PTPRD: variants seen among roughly 807,000 people sequenced by gnomAD.
The protein encoded by PTPRD is protein tyrosine phosphatase receptor type D.
A neutral mutation model predicts 214.5 loss-of-function variants in PTPRD; 34 were observed. The observed-to-expected ratio is 0.16, with a 90% CI of 0.12 to 0.21. PTPRD has a LOEUF of 0.21. Among genes scored for constraint, PTPRD ranks in the 10% least tolerant of loss-of-function variants. PTPRD has a pLI of 1.00. For synonymous variants in PTPRD, 1,128 were observed against 845.7 expected (o/e 1.33, Z -5.79); for missense variants, 2,545 against 2,398.7 (o/e 1.06, Z -1.27).
intron 9 of PTPRD, among the ~76,000 whole-genome samples, chr9:9,343,493 C>G (rs2047636347): frequency 6.6e-6 from 1 of 152,026 alleles, no homozygotes; most frequent in African/African-American, 2.4e-5. Flanking sequence ...AGCTTTTTTT[C>G]ATATGTTTGT....
intron 11 of PTPRD, among the ~76,000 whole-genome samples, chr9:8,867,032 CTTTA>C (rs1424626517): frequency 2.0e-5 from 3 of 152,114 alleles, no homozygotes; most frequent in African/African-American, 7.2e-5. Flanking sequence ...TGAAAGGCCT[CTTTA>C]TTTAATCACA....
At chr9:9,518,333 G>C (rs1183981455) in intron 8 of PTPRD, among the ~76,000 whole-genome samples, 1 of 151,908 alleles carries the variant, frequency 6.6e-6, no homozygotes, top group East Asian at 1.9e-4. Flanking sequence ...TTCTTTTTTA[G>C]GCTACGGGAA....
At chr9:8,765,509 C>T (rs866675879) in intron 11 of PTPRD, among the ~76,000 whole-genome samples, 3 of 152,096 alleles carry the variant, frequency 2.0e-5, no homozygotes, top group African/African-American at 4.8e-5. Flanking sequence ...AGGTTAGAAG[C>T]GGGTATTATC....
chr9:8,340,611 A>G, intron 41 of PTPRD, 142 bp from the exon 42 acceptor site: 7 of 809,678 alleles, frequency 8.6e-6, no homozygotes, highest in Non-Finnish European at 1.2e-5. Context: ...TGCTAAGATT[A>G]AATAATCAAA....
intron 9 of PTPRD, among the ~76,000 whole-genome samples, chr9:9,201,088 T>A (rs912514959): frequency 6.6e-6 from 1 of 152,204 alleles, no homozygotes; most frequent in African/African-American, 2.4e-5. Context: ...TGGAAAATCT[T>A]ATCATGAAAA....
intron 12 of PTPRD, among the ~76,000 whole-genome samples, chr9:8,668,158 C>A (rs1401843966): frequency 6.6e-6 from 1 of 152,014 alleles, no homozygotes; most frequent in Non-Finnish European, 1.5e-5. Context: ...CTTTTAGCAC[C>A]ATTTTACTCA....
intron 12 of PTPRD, among the ~76,000 whole-genome samples, chr9:8,711,797 C>T (rs2098338747): frequency 6.6e-6 from 1 of 152,206 alleles, no homozygotes; most frequent in Non-Finnish European, 1.5e-5. Flanking sequence ...TTTATTGTAG[C>T]TTCATTCATA....
chr9:10,275,600 T>C (rs1334607734), intron 3 of PTPRD, among the ~76,000 whole-genome samples: 4 of 152,134 alleles, frequency 2.6e-5, no homozygotes, highest in Non-Finnish European at 4.4e-5. Context: ...TCGATTCCAT[T>C]ATTGGGATAG....
chr9:10,031,444 C>A (rs1386759926), intron 4 of PTPRD, among the ~76,000 whole-genome samples: 1 of 151,068 alleles, frequency 6.6e-6, no homozygotes, highest in Non-Finnish European at 1.5e-5. Flanking sequence ...TGTGAAAAGG[C>A]GAGACTGTCC....
chr9:10,044,686 TG>T (rs1481567622), intron 3 of PTPRD, among the ~76,000 whole-genome samples: 1 of 151,726 alleles, frequency 6.6e-6, no homozygotes, highest in Non-Finnish European at 1.5e-5. Flanking sequence ...TCAGGGAGGC[TG>T]GGAAGTTTTC....
chr9:8,954,444 C>A (rs183012928), intron 11 of PTPRD, among the ~76,000 whole-genome samples: 241 of 151,394 alleles, frequency 1.6e-3, no homozygotes, highest in Non-Finnish European at 2.7e-3. Flanking sequence ...TTCAGCATCA[C>A]AAAATATACC....
intron 11 of PTPRD, among the ~76,000 whole-genome samples, chr9:8,760,861 A>G (rs2094371308): frequency 6.6e-6 from 1 of 152,222 alleles, no homozygotes; most frequent in South Asian, 2.1e-4. Flanking sequence ...AAATTGTACT[A>G]TGGTTCCTTG....
At chr9:9,418,514 T>C (rs1172840003) in intron 8 of PTPRD, among the ~76,000 whole-genome samples, 2 of 152,030 alleles carry the variant, frequency 1.3e-5, no homozygotes, top group Non-Finnish European at 2.9e-5. Context: ...TCCAACATTT[T>C]CTAGTTATTA....
At chr9:10,150,272 C>A (rs1169004136) in intron 3 of PTPRD, among the ~76,000 whole-genome samples, 1 of 152,042 alleles carries the variant, frequency 6.6e-6, no homozygotes, top group Admixed American at 6.6e-5. Flanking sequence ...AAATGTCCAT[C>A]AATGATAGAC....
chr9:9,494,052 T>A (rs905379714), intron 8 of PTPRD, among the ~76,000 whole-genome samples: 1 of 151,858 alleles, frequency 6.6e-6, no homozygotes, highest in African/African-American at 2.4e-5. Context: ...TTCAGTGGAG[T>A]AAGGAACTTC....
chr9:9,528,885 A>G (rs2074789290), intron 8 of PTPRD, among the ~76,000 whole-genome samples: 1 of 151,590 alleles, frequency 6.6e-6, no homozygotes, highest in South Asian at 2.1e-4. Flanking sequence ...ACAATAAAAT[A>G]TAGGAGAAAA....
chr9:9,357,039 C>T (rs987246152), intron 9 of PTPRD, among the ~76,000 whole-genome samples: 1 of 151,350 alleles, frequency 6.6e-6, no homozygotes, highest in African/African-American at 2.4e-5. Context: ...TGCCTTCTCT[C>T]ATTCCTTCTC....
At chr9:8,978,083 G>C (rs1272800010) in intron 11 of PTPRD, among the ~76,000 whole-genome samples, 1 of 152,070 alleles carries the variant, frequency 6.6e-6, no homozygotes, top group African/African-American at 2.4e-5. Context: ...ACAAGTAGGA[G>C]ATGAAATTCC....
chr9:8,897,202 C>T (rs2098624561), intron 11 of PTPRD, among the ~76,000 whole-genome samples: 1 of 152,100 alleles, frequency 6.6e-6, no homozygotes. Flanking sequence ...GGGTTCCCTG[C>T]TGAAGGGAAT....
Sources: allele counts gnomAD v4.1 joint callset (sites outside exome capture counted in the v4.1 genomes callset), GRCh38; gene constraint gnomAD v4.1.1; transcripts MANE v1.5; gene names NCBI Gene and HGNC (gene_info 2026-07-23, HGNC 2026-07-21).